SGCD: variants seen among roughly 807,000 people sequenced by gnomAD.
SGCD encodes the protein sarcoglycan delta, also known as delta-sarcoglycan.
A neutral mutation model predicts 36.6 loss-of-function variants in SGCD; 18 were observed. That is an observed-to-expected ratio of 0.49 (90% confidence interval 0.34 to 0.73). The LOEUF (loss-of-function observed/expected upper bound fraction) is 0.73. Among genes scored for constraint, SGCD ranks in the 30% least tolerant of loss-of-function variants. SGCD has a pLI of 0.01. For synonymous variants in SGCD, 133 were observed against 130.6 expected (o/e 1.02, Z -0.12); for missense variants, 387 against 346.7 (o/e 1.12, Z -0.92).
At chr5:155,782,272 G>A in the SGCD span, among the ~76,000 whole-genome samples, 111 of 151,988 alleles carry the variant, frequency 7.3e-4, no homozygotes, top group Non-Finnish European at 1.2e-3. Flanking sequence ...TGATCTGCCC[G>A]CCTTGACTTC....
intron 3 of SGCD, among the ~76,000 whole-genome samples, chr5:156,314,915 T>A (rs1767476225): frequency 6.6e-6 from 1 of 152,008 alleles, no homozygotes; most frequent in African/African-American, 2.4e-5. Context: ...CTAGCTTCAT[T>A]GAGATGATTG....
chr5:155,750,380 AGT>A, the SGCD span, among the ~76,000 whole-genome samples: 8 of 152,160 alleles, frequency 5.3e-5, no homozygotes, highest in African/African-American at 1.9e-4. Context: ...TAGGGGAGAG[AGT>A]TTGTTTAAAC....
intron 7 of SGCD, among the ~76,000 whole-genome samples, chr5:156,662,931 A>C (rs2113634054): frequency 6.6e-6 from 1 of 150,496 alleles, no homozygotes; most frequent in East Asian, 1.9e-4. Context: ...TTTCCAAGTT[A>C]GTGGTATGGG....
chr5:156,651,452 A>G (rs749803908), intron 7 of SGCD, among the ~76,000 whole-genome samples: 3 of 152,102 alleles, frequency 2.0e-5, no homozygotes, highest in Non-Finnish European at 4.4e-5. Context: ...TTAAATATTT[A>G]ATCCATCTTT....
chr5:156,632,509 G>T (rs1055434074), intron 6 of SGCD, among the ~76,000 whole-genome samples: 3 of 152,176 alleles, frequency 2.0e-5, no homozygotes, highest in African/African-American at 7.2e-5. Context: ...GCATTGGTCA[G>T]TGAGATGGTT....
At chr5:156,182,354 G>T (rs1763629754) in intron 3 of SGCD, among the ~76,000 whole-genome samples, 1 of 152,216 alleles carries the variant, frequency 6.6e-6, no homozygotes, top group South Asian at 2.1e-4. Context: ...CACTTGGGAG[G>T]CCAAGGTGGG....
At chr5:156,703,818 C>A (rs1225301174) in intron 7 of SGCD, among the ~76,000 whole-genome samples, 1 of 152,142 alleles carries the variant, frequency 6.6e-6, no homozygotes, top group African/African-American at 2.4e-5. Context: ...TTAATGCCTT[C>A]CAGAGAGCAA....
At chr5:155,835,905 A>C in the SGCD span, among the ~76,000 whole-genome samples, 5 of 152,098 alleles carry the variant, frequency 3.3e-5, no homozygotes, top group Non-Finnish European at 5.9e-5. Context: ...CAGGAGGTGA[A>C]TCATTCCTTT....
chr5:155,868,466 A>C (rs1755569245), upstream of SGCD, among the ~76,000 whole-genome samples: 1 of 151,030 alleles, frequency 6.6e-6, no homozygotes, highest in Non-Finnish European at 1.5e-5. Flanking sequence ...TCAGACTCTG[A>C]AACTGTGAGG....
chr5:155,998,369 C>G (rs1431960513), intron 1 of SGCD, among the ~76,000 whole-genome samples: 3 of 152,018 alleles, frequency 2.0e-5, no homozygotes, highest in Non-Finnish European at 4.4e-5. Context: ...TATTTTCAGG[C>G]AAGGAAGGAA....
At chr5:156,069,906 T>C (rs1438393801) in intron 1 of SGCD, among the ~76,000 whole-genome samples, 1 of 151,948 alleles carries the variant, frequency 6.6e-6, no homozygotes, top group Non-Finnish European at 1.5e-5. Flanking sequence ...TGAATGGGAG[T>C]TCACTCATGA....
intron 3 of SGCD, among the ~76,000 whole-genome samples, chr5:156,318,708 GC>G (rs1457458420): frequency 6.6e-6 from 1 of 151,346 alleles, no homozygotes; most frequent in African/African-American, 2.4e-5. Context: ...TGATTCTCCT[GC>G]CTCAGCATCC....
chr5:156,002,496 GC>G (rs1178841356), intron 1 of SGCD, among the ~76,000 whole-genome samples: 1 of 152,222 alleles, frequency 6.6e-6, no homozygotes, highest in Admixed American at 6.5e-5. Flanking sequence ...CTATGGGCAT[GC>G]CCATTGAAGA....
At chr5:156,655,183 C>G (rs1763624265) in intron 7 of SGCD, among the ~76,000 whole-genome samples, 1 of 151,990 alleles carries the variant, frequency 6.6e-6, no homozygotes, top group Non-Finnish European at 1.5e-5. Flanking sequence ...TTAAAATAGA[C>G]AAGCAGAAAC....
chr5:156,745,321 C>A (rs182391962), intron 7 of SGCD, among the ~76,000 whole-genome samples: 2 of 152,200 alleles, frequency 1.3e-5, no homozygotes, highest in African/African-American at 4.8e-5. Flanking sequence ...TTGATAACTT[C>A]AAACTGGCCT....
At position 156,049,832 on chromosome 5, in the gene SGCD, A is replaced by G. The variant is rs143677640; in HGVS notation, c.-281-68046A>G. On this transcript the variant is annotated intron_variant, in intron 1 of 9. Coordinates refer to the SGCD transcript ENST00000517913. ...TGACTTTGAGGGGTTCAAGGCTTCA[A>G]TGGAGGAAGAAATTGCAGATGTGGT... Among the ~76,000 whole-genome samples, 29 of 146,514 alleles carry G rather than the reference A, an allele frequency of 2.0e-4. 2 individuals are homozygous for G. The highest frequency in any genetic ancestry group is 7.7e-4 in the East Asian group (4 of 5,178).
intron 1 of SGCD, among the ~76,000 whole-genome samples, chr5:156,086,452 G>C (rs1761093400): frequency 6.6e-6 from 1 of 152,178 alleles, no homozygotes; most frequent in Non-Finnish European, 1.5e-5. Flanking sequence ...TCAAATGTTG[G>C]ACAAAATGCA....
intron 4 of SGCD, 43 bp from the exon 5 acceptor site, chr5:156,589,188 A>C: frequency 7.2e-7 from 1 of 1,394,000 alleles, no homozygotes; most frequent in Non-Finnish European, 1.0e-6. Context: ...TTTTGTTTAG[A>C]AATCTATCAT....
intron 4 of SGCD, among the ~76,000 whole-genome samples, chr5:156,551,689 CAT>C (rs1758805601): frequency 1.3e-5 from 2 of 152,028 alleles, no homozygotes; most frequent in Non-Finnish European, 2.9e-5. Flanking sequence ...GTTTTTTTCA[CAT>C]ATGTTAGCTA....
Sources: gnomAD v4.1 joint callset for allele counts (sites outside exome capture counted in the v4.1 genomes callset) on GRCh38, gnomAD v4.1.1 for gene constraint, MANE v1.5 for transcripts, NCBI Gene and HGNC (gene_info 2026-07-23, HGNC 2026-07-21) for gene names.